OPCML: variants seen among roughly 807,000 people sequenced by gnomAD.
The protein encoded by OPCML is opioid-binding protein/cell adhesion molecule.
OPCML carries 13 observed loss-of-function variants against 37.8 expected under a neutral mutation model. The observed-to-expected ratio is 0.34, with a 90% CI of 0.22 to 0.55. OPCML has a LOEUF of 0.55. Among genes scored for constraint, OPCML ranks in the 20% least tolerant of loss-of-function variants. The probability of loss-of-function intolerance (pLI) is 0.91; values close to 1 mark genes in which losing one functional copy is unlikely to be tolerated. For missense variants in OPCML, 341 were observed against 435.6 expected (o/e 0.78, Z 1.93); for synonymous variants, 176 against 168.8 (o/e 1.04, Z -0.33).
intron 1 of OPCML, among the ~76,000 whole-genome samples, chr11:133,231,120 C>A (rs1680518318): frequency 6.6e-6 from 1 of 152,108 alleles, no homozygotes. Flanking sequence ...ATGAGCTCTC[C>A]CTTTGTCTGT....
intron 4 of OPCML, among the ~76,000 whole-genome samples, chr11:132,466,471 G>C (rs143943190): frequency 6.7e-5 from 10 of 148,738 alleles, no homozygotes; most frequent in East Asian, 2.0e-4. Flanking sequence ...GCGACACAGC[G>C]AGACTCCGTC....
At chr11:132,710,917 A>G (rs1439980990) in intron 2 of OPCML, among the ~76,000 whole-genome samples, 1 of 152,060 alleles carries the variant, frequency 6.6e-6, no homozygotes. Flanking sequence ...GAGATGAGAG[A>G]GGGTAAGGGG....
At chr11:133,327,822 C>T (rs1458011097) in intron 1 of OPCML, among the ~76,000 whole-genome samples, 1 of 152,058 alleles carries the variant, frequency 6.6e-6, no homozygotes, top group Non-Finnish European at 1.5e-5. Flanking sequence ...TACTCGGAGG[C>T]CAAGTAAAGG....
At chr11:133,386,621 A>C (rs978403192) in intron 1 of OPCML, among the ~76,000 whole-genome samples, 1 of 152,220 alleles carries the variant, frequency 6.6e-6, no homozygotes, top group African/African-American at 2.4e-5. Flanking sequence ...GGCAGGTTCA[A>C]AAAGCATTAC....
chr11:133,029,097 A>G (rs943495818), intron 1 of OPCML, among the ~76,000 whole-genome samples: 22 of 152,236 alleles, frequency 1.4e-4, no homozygotes, highest in African/African-American at 4.8e-4. Flanking sequence ...ACATGCACCA[A>G]CAAGCATATG....
intron 2 of OPCML, among the ~76,000 whole-genome samples, chr11:132,701,299 A>T (rs371438116): frequency 6.6e-6 from 1 of 152,166 alleles, no homozygotes; most frequent in African/African-American, 2.4e-5. Flanking sequence ...TGACCCCATG[A>T]TTCAATTATC....
chr11:132,438,885 C>T (rs1423191903), intron 4 of OPCML, among the ~76,000 whole-genome samples: 2 of 152,086 alleles, frequency 1.3e-5, no homozygotes, highest in Non-Finnish European at 2.9e-5. Flanking sequence ...ACCCATTTCC[C>T]CAGACCATGT....
intron 2 of OPCML, among the ~76,000 whole-genome samples, chr11:132,821,821 C>A (rs1462154021): frequency 6.6e-6 from 1 of 152,096 alleles, no homozygotes; most frequent in East Asian, 1.9e-4. Context: ...CTCCTGGGAG[C>A]CTTGGTGGGT....
At chr11:133,390,178 G>C (rs1030775958) in intron 1 of OPCML, among the ~76,000 whole-genome samples, 1 of 152,220 alleles carries the variant, frequency 6.6e-6, no homozygotes, top group African/African-American at 2.4e-5. Context: ...GTAGCTACAG[G>C]CCGAACGCGG....
chr11:132,741,479 A>T (rs930525946), intron 2 of OPCML, among the ~76,000 whole-genome samples: 1 of 151,982 alleles, frequency 6.6e-6, no homozygotes, highest in African/African-American at 2.4e-5. Context: ...GCATGACTCG[A>T]CTCTTCTTCC....
At chr11:133,367,455 A>T (rs966575862) in intron 1 of OPCML, among the ~76,000 whole-genome samples, 4 of 152,200 alleles carry the variant, frequency 2.6e-5, no homozygotes, top group Admixed American at 6.5e-5. Context: ...CCAGCATCGG[A>T]TCTGCATGTA....
intron 1 of OPCML, among the ~76,000 whole-genome samples, chr11:133,261,577 G>A (rs189579010): frequency 1.9e-4 from 29 of 152,238 alleles, no homozygotes; most frequent in East Asian, 9.7e-4. Flanking sequence ...CTTTGGAAGC[G>A]CTTTCACCCT....
At chr11:132,867,814 G>A (rs556697183) in intron 2 of OPCML, among the ~76,000 whole-genome samples, 18 of 152,268 alleles carry the variant, frequency 1.2e-4, no homozygotes, top group African/African-American at 2.2e-4. Context: ...TGATTTAATC[G>A]TGTTAGCAAG....
chr11:132,796,565 C>CTTTTTTTTTTTTTT (rs71067396), intron 2 of OPCML, among the ~76,000 whole-genome samples: 2 of 88,558 alleles, frequency 2.3e-5, no homozygotes, highest in Non-Finnish European at 4.2e-5. Flanking sequence ...TTTCTTCTTT[C>CTTTTTTTTTTTTTT]TTTTTTTTTT....
chr11:133,118,860 A>ATG (rs1565456798), intron 1 of OPCML, among the ~76,000 whole-genome samples: 3 of 151,646 alleles, frequency 2.0e-5, no homozygotes, highest in African/African-American at 7.3e-5. Context: ...ACAGACCCAC[A>ATG]CATGGACGTG....
intron 3 of OPCML, among the ~76,000 whole-genome samples, chr11:132,644,531 G>A (rs987822474): frequency 2.6e-5 from 4 of 151,966 alleles, no homozygotes; most frequent in African/African-American, 7.2e-5. Flanking sequence ...GAAAGAGAGG[G>A]TACAAATATC....
At chr11:132,924,876 G>C (rs1426917964) in intron 2 of OPCML, among the ~76,000 whole-genome samples, 1 of 111,580 alleles carries the variant, frequency 9.0e-6, no homozygotes, top group East Asian at 2.1e-4. Context: ...TTTCTCTCTT[G>C]CTTTTGTTTC....
chr11:133,180,316 G>A (rs1937764968), intron 1 of OPCML, among the ~76,000 whole-genome samples: 1 of 152,176 alleles, frequency 6.6e-6, no homozygotes, highest in Non-Finnish European at 1.5e-5. Context: ...CTCAGTCTCT[G>A]GTGGGACAAA....
rs542543257 is a variant in OPCML, at chr11:132,475,003, C to T, written c.506-37644G>A. Among the ~76,000 whole-genome samples, 5 of 152,310 alleles carry T rather than the reference C, an allele frequency of 3.3e-5. No individual in the cohort carries two copies. In the Middle Eastern group the frequency reaches 0.01, roughly 311 times the overall value. On this transcript the variant is annotated intron_variant, in intron 4 of 7. Transcript: ENST00000524381. ...ATTACCATTACTGGAAATACTGCTCCCACCTGCCATACTGCTAGTTATTTC... is the reference window on the plus strand; with the variant it reads ...ATTACCATTACTGGAAATACTGCTCTCACCTGCCATACTGCTAGTTATTTC...
Sources: allele counts gnomAD v4.1 joint callset (sites outside exome capture counted in the v4.1 genomes callset), GRCh38; gene constraint gnomAD v4.1.1; transcripts MANE v1.5; gene names NCBI Gene and HGNC (gene_info 2026-07-23, HGNC 2026-07-21).